MED7: variants seen among roughly 807,000 people sequenced by gnomAD.
MED7 encodes mediator complex subunit 7.
In MED7, 7 loss-of-function variants were observed where a neutral mutation model predicts 16.6. The ratio of observed to expected loss-of-function variants is 0.42; its 90% CI spans 0.24 to 0.79. MED7 has a LOEUF of 0.79. MED7 is among the 30% of genes least tolerant of loss of function. The probability of loss-of-function intolerance (pLI) is 0.27; values close to 1 mark genes in which losing one functional copy is unlikely to be tolerated. For synonymous variants in MED7, 88 were observed against 90.5 expected (o/e 0.97, Z 0.16); for missense variants, 240 against 286.3 (o/e 0.84, Z 1.17).
chr5:157,138,734 G>A lies in MED7; in HGVS notation c.698C>T (p.Pro233Leu). The A allele has an allele frequency of 6.3e-7, 1 of 1,576,460 alleles. No individual in the cohort carries two copies. ...CVLIDEMNERP is the reference protein window; with the variant it reads ...CVLIDEMNERL ...AAAAAGAAAAAGAAACATCTTTCAT[G>A]GTCTTTCATTCATCTCATCAATTAG... The change falls in exon 2 of 2, where the codon CCA (proline) becomes CTA (leucine). Residue 233 changes from proline (P) to leucine (L), a missense_variant. By Grantham distance (98) the Pro-to-Leu change is moderately conservative. Transcript: ENST00000286317.
Position 157,138,727 on chromosome 5 carries a change from C to A in MED7, c.*3G>T, listed in dbSNP as rs746321069. The A allele has an allele frequency of 7.6e-6, 12 of 1,569,684 alleles. No individual in the cohort carries two copies. Among genetic ancestry groups the A allele is most frequent in the South Asian group, 5.9e-5 (5 of 84,122 alleles). On this transcript the variant is annotated 3_prime_UTR_variant, in exon 2 of 2. Transcript: ENST00000286317. ...AAAGGAAAAAAAGAAAAAGAAACAT[C>A]TTTCATGGTCTTTCATTCATCTCAT...
At position 157,139,069 on chromosome 5, in the gene MED7, A is replaced by G. The variant is rs1757684885; in HGVS notation, c.363T>C (p.His121=). 1.9e-6 allele frequency: 3 copies of G among 1,614,050 alleles called. No homozygotes were observed. Among genetic ancestry groups the G allele is most frequent in the Middle Eastern group, 1.6e-4 (1 of 6,062 alleles). ...DLKLLFVHVH[H]LINEYRPHQA... ...GGTGGGGTCGGTATTCATTTATAAG[A>G]TGATGCACGTGTACAAAAAGCAGCT... is the stretch of plus-strand genomic sequence containing the variant. Residue 121 remains histidine, a synonymous_variant, in exon 2 of 2, where the codon CAT becomes CAC. Transcript: ENST00000286317.
At chr5:157,140,315 G>A (rs1398816850) in intron 1 of MED7, among the ~76,000 whole-genome samples, 4 of 150,452 alleles carry the variant, frequency 2.7e-5, no homozygotes, top group Non-Finnish European at 5.9e-5. Context: ...CGCCTGGCCT[G>A]TATGGACACA....
Position 157,139,046 on chromosome 5 carries a change from T to C in MED7, c.386A>G (p.His129Arg). The change falls in exon 2 of 2, where the codon CAC becomes CGC. Residue 129 changes from histidine to arginine, a missense_variant. Transcript: ENST00000286317. Reference sequence around the variant, plus strand: ...GACTCTCAAGGTCTCTCTTGCTTGGTGGGGTCGGTATTCATTTATAAGATG... The same window carrying C: ...GACTCTCAAGGTCTCTCTTGCTTGGCGGGGTCGGTATTCATTTATAAGATG... ...VHHLINEYRP[H>R]QARETLRVMM... The C allele has an allele frequency of 6.2e-7, 1 of 1,614,068 alleles. No individual in the cohort carries two copies. The highest frequency in any genetic ancestry group is 8.5e-7 in the Non-Finnish European group (1 of 1,179,998).
At chr5:157,141,883 A>AT (rs569516519) in intron 1 of MED7, among the ~76,000 whole-genome samples, 1 of 152,102 alleles carries the variant, frequency 6.6e-6, no homozygotes, top group Non-Finnish European at 1.5e-5. Context: ...GAGCCACCAC[A>AT]CGGTCCCACG....
In MED7 at chr5:157,138,002, C is replaced by T. The variant is rs1289225392; in HGVS notation, c.*728G>A. On this transcript the variant is annotated 3_prime_UTR_variant, in exon 2 of 2. Coordinates refer to ENST00000286317, the MANE Select transcript of MED7 (RefSeq NM_004270.5). ...CACCTAGCAGTCTCTGCCATCAAACCCCTTTCCCATTGTGGACTTAAACAA... is the reference window on the plus strand; with the variant it reads ...CACCTAGCAGTCTCTGCCATCAAACTCCTTTCCCATTGTGGACTTAAACAA... 6.6e-6 allele frequency: 1 copy of T among 152,152 alleles called. No homozygotes were observed. Among genetic ancestry groups the T allele is most frequent in the Non-Finnish European group, 1.5e-5 (1 of 68,022 alleles). The allele number at this position is 152,152 out of a possible 1,614,324, so 9.4% of individuals were successfully genotyped here. A position where few individuals can be genotyped will look rare whatever the true frequency, so the allele number is the denominator to read the frequency against.
chr5:157,141,609 G>A (rs1188795552), intron 1 of MED7, among the ~76,000 whole-genome samples: 1 of 151,844 alleles, frequency 6.6e-6, no homozygotes, highest in Non-Finnish European at 1.5e-5. Context: ...TGTTTTTTGA[G>A]ACAAGGGCTC....
In MED7 at chr5:157,139,266, T is replaced by C. The variant is rs537739579; in HGVS notation, c.166A>G (p.Ile56Val). Reference protein sequence around the residue: ...GNQFQCDDLIIRPLESQGIER... With the variant: ...GNQFQCDDLIVRPLESQGIER... Reference sequence around the variant, plus strand: ...ATGCCCTGACTTTCCAAAGGGCGGATGATAAGATCATCACATTGGAACTGA... The same window carrying C: ...ATGCCCTGACTTTCCAAAGGGCGGACGATAAGATCATCACATTGGAACTGA... The change falls in exon 2 of 2, where the codon ATC becomes GTC. Residue 56 changes from isoleucine to valine, a missense_variant. Transcript: ENST00000286317. 2.5e-6 allele frequency: 4 copies of C among 1,614,204 alleles called. No homozygotes were observed. Among genetic ancestry groups the C allele is most frequent in the East Asian group, 4.5e-5 (2 of 44,882 alleles).
chr5:157,139,368 T>C lies in MED7; in HGVS notation c.64A>G (p.Thr22Ala). 1 of 1,610,962 alleles carries C rather than the reference T, an allele frequency of 6.2e-7. No homozygotes were observed. The highest frequency in any genetic ancestry group is 8.5e-7 in the Non-Finnish European group (1 of 1,178,720). ...AAGCCTTCTTGAATATTTTCATCCG[T>C]ATATTCCTTGATATATTGCATTGGA... ...PPPMQYIKEY[T>A]DENIQEGLAP... The change falls in exon 2 of 2, where the codon ACG (threonine) becomes GCG (alanine). Residue 22 changes from threonine (T) to alanine (A), a missense_variant. Coordinates refer to ENST00000286317, the MANE Select transcript of MED7 (RefSeq NM_004270.5).
rs1473398060 is a variant in MED7 at position 157,139,152 on chromosome 5, C to T, written c.280G>A (p.Asp94Asn). 1 of 1,613,076 alleles carries T rather than the reference C, an allele frequency of 6.2e-7. No homozygotes were observed. Among genetic ancestry groups the T allele is most frequent in the African/African-American group, 1.3e-5 (1 of 74,794 alleles). ...SILINFLDLL[D>N]ILIRSPGSIK... Reference sequence around the variant, plus strand: ...CTCCCAGGGCTCCTTATTAAAATATCTAAAAGGTCCAAGAAATTAATAAGG... The same window carrying T: ...CTCCCAGGGCTCCTTATTAAAATATTTAAAAGGTCCAAGAAATTAATAAGG... Residue 94 changes from aspartate (D) to asparagine (N), a missense_variant, in exon 2 of 2, where the codon GAT becomes AAT. Transcript: ENST00000286317.
chr5:157,140,712 T>C (rs1028710519), intron 1 of MED7, among the ~76,000 whole-genome samples: 1 of 152,120 alleles, frequency 6.6e-6, no homozygotes, highest in Non-Finnish European at 1.5e-5. Flanking sequence ...CGGCTAATTT[T>C]TGTATATTTT....
intron 1 of MED7, among the ~76,000 whole-genome samples, chr5:157,141,681 C>T (rs1757727036): frequency 1.3e-5 from 2 of 152,072 alleles, no homozygotes; most frequent in South Asian, 2.1e-4. Flanking sequence ...CTCTGCCTCC[C>T]GGGTTCAAGG....
rs1249297162 is a variant in MED7, at chr5:157,138,636, A to G, written c.*94T>C. Reference sequence around the variant, plus strand: ...TGGAGTCAAGATTAAAGCTGTTTACATTTTTAGTGAAACTTCTCTTAAGAC... The same window carrying G: ...TGGAGTCAAGATTAAAGCTGTTTACGTTTTTAGTGAAACTTCTCTTAAGAC... On this transcript the variant is annotated 3_prime_UTR_variant, in exon 2 of 2. Coordinates refer to ENST00000286317, the MANE Select transcript of MED7 (RefSeq NM_004270.5). 8.9e-7 allele frequency: 1 copy of G among 1,129,442 alleles called. No homozygotes were observed. Among genetic ancestry groups the G allele is most frequent in the Non-Finnish European group, 1.2e-6 (1 of 802,476 alleles). 70.0% of individuals were successfully genotyped at this position (1,129,442 alleles called of 1,614,324 possible).
chr5:157,141,839 C>A (rs1757729694), intron 1 of MED7, among the ~76,000 whole-genome samples: 2 of 152,180 alleles, frequency 1.3e-5, no homozygotes, highest in African/African-American at 4.8e-5. Context: ...GATCCGCCCA[C>A]CTCGGCCTCC....
intron 1 of MED7, among the ~76,000 whole-genome samples, chr5:157,142,002 T>C (rs1410841405): frequency 6.6e-6 from 1 of 152,226 alleles, no homozygotes. Flanking sequence ...CAGGAATTCT[T>C]ATCCCAGGTC....
At chr5:157,140,634 C>T (rs1757709346) in intron 1 of MED7, among the ~76,000 whole-genome samples, 1 of 152,186 alleles carries the variant, frequency 6.6e-6, no homozygotes, top group Non-Finnish European at 1.5e-5. Flanking sequence ...GCCTCGCCCT[C>T]CTAGGCTCAA....
rs975219950 is a variant in MED7 at position 157,138,538 on chromosome 5, G to A, written c.*192C>T. 1.7e-5 allele frequency: 9 copies of A among 538,112 alleles called. No homozygotes were observed. Among genetic ancestry groups the A allele is most frequent in the African/African-American group, 1.5e-4 (8 of 51,990 alleles). The allele number at this position is 538,112 out of a possible 1,614,324, so 33.3% of individuals were successfully genotyped here. A position where few individuals can be genotyped will look rare whatever the true frequency, so the allele number is the denominator to read the frequency against. On this transcript the variant is annotated 3_prime_UTR_variant, in exon 2 of 2. Coordinates refer to ENST00000286317, the MANE Select transcript of MED7 (RefSeq NM_004270.5). ...GCTTTTTAAAGTGATTCTTCTTAGT[G>A]CAGGGACACTCATTTGTCTATGCTT... is the stretch of plus-strand genomic sequence containing the variant.
At chr5:157,141,723 G>C (rs1439819546) in intron 1 of MED7, among the ~76,000 whole-genome samples, 1 of 151,786 alleles carries the variant, frequency 6.6e-6, no homozygotes, top group African/African-American at 2.4e-5. Context: ...TGAGTAGCTG[G>C]GGACTACAGG....
In MED7 at chr5:157,138,054, T is replaced by C. The variant is rs1346210315; in HGVS notation, c.*676A>G. The C allele has an allele frequency of 2.0e-5, 3 of 152,192 alleles. No individual in the cohort carries two copies. The highest frequency in any genetic ancestry group is 2.9e-5 in the Non-Finnish European group (2 of 68,022). The allele number at this position is 152,192 out of a possible 1,614,324, so 9.4% of individuals were successfully genotyped here. The stretch of plus-strand genomic sequence containing the variant: ...TCTGAGCTTAGCTTTAAAGAAAATG[T>C]ATAGCTAATGACACAGACATCTTAA... On this transcript the variant is annotated 3_prime_UTR_variant, in exon 2 of 2. Transcript: ENST00000286317.
Sources: allele counts gnomAD v4.1 joint callset (sites outside exome capture counted in the v4.1 genomes callset), GRCh38; gene constraint gnomAD v4.1.1; transcripts MANE v1.5; gene names NCBI Gene and HGNC (gene_info 2026-07-23, HGNC 2026-07-21).